The following NPSR1 variants were observed in gnomAD, a reference collection of about 807,000 sequenced individuals.
NPSR1 encodes neuropeptide S receptor 1.
In NPSR1, 48 loss-of-function variants were observed where a neutral mutation model predicts 46.9. The ratio of observed to expected loss-of-function variants is 1.02; its 90% CI spans 0.81 to 1.30. NPSR1 has a LOEUF of 1.30. Ranked by LOEUF, NPSR1 falls within the 50% of genes most tolerant of loss-of-function variation. The pLI is 0.00. For missense variants in NPSR1, 450 were observed against 449.5 expected, an observed-to-expected ratio of 1.00 and a Z score of -0.01; for synonymous variants, 176 against 168.1, an observed-to-expected ratio of 1.05 and a Z score of -0.36.
intron 2 of NPSR1, among the ~76,000 whole-genome samples, chr7:34,686,997 T>C (rs1019100482): frequency 2.6e-5 from 4 of 151,122 alleles, no homozygotes; most frequent in African/African-American, 7.3e-5. Context: ...GTCTCAGTTT[T>C]ACCTTGCTTC....
chr7:34,783,085 AAAAG>A (rs1318578301), intron 3 of NPSR1, among the ~76,000 whole-genome samples: 1 of 152,178 alleles, frequency 6.6e-6, no homozygotes, highest in Non-Finnish European at 1.5e-5. Flanking sequence ...CAACTAAAGA[AAAAG>A]AAAGAAAAAA....
At chr7:34,865,200 A>G (rs1562778337) in intron 8 of NPSR1, among the ~76,000 whole-genome samples, 1 of 151,822 alleles carries the variant, frequency 6.6e-6, no homozygotes, top group Non-Finnish European at 1.5e-5. Flanking sequence ...CGGTGATATA[A>G]GTGAGAAACA....
intron 3 of NPSR1, among the ~76,000 whole-genome samples, chr7:34,802,246 T>C (rs1219853501): frequency 2.7e-5 from 4 of 150,044 alleles, no homozygotes. Flanking sequence ...AAAAAAGAGC[T>C]CACATCGCGA....
Position 34,684,620 on chromosome 7 carries a change from T to A in NPSR1, c.216T>A (p.Phe72Leu). The change falls in exon 2 of 9, where the codon TTT becomes TTA. Residue 72 changes from phenylalanine (F) to leucine (L), a missense_variant. Phe to Leu is a conservative substitution (Grantham distance 22). Transcript: ENST00000360581. ...FTIVGNSVVL[F>L]STWRRKKKSR... ...TTGTTGGAAACTCCGTTGTGCTTTT[T>A]TCCACATGGAGGAGAAAGAAGAAGT... The A allele has an allele frequency of 1.9e-6, 3 of 1,613,940 alleles. No homozygotes were observed. Among genetic ancestry groups the A allele is most frequent in the Non-Finnish European group, 2.5e-6 (3 of 1,179,882 alleles).
At position 34,817,387 on chromosome 7, in the gene NPSR1, T is replaced by C. The variant is rs947361059; in HGVS notation, c.478+5524T>C. On this transcript the variant is annotated intron_variant, in intron 4 of 8. Coordinates refer to ENST00000360581, the MANE Select transcript of NPSR1 (RefSeq NM_207172.2). Reference sequence around the variant, plus strand: ...ACCAGGAAGAAGTTGAATCTCTGAATAGACCATTAACAGGCTCCAAAATTG... The same window carrying C: ...ACCAGGAAGAAGTTGAATCTCTGAACAGACCATTAACAGGCTCCAAAATTG... Among the ~76,000 whole-genome samples the C allele has an allele frequency of 2.5e-3, 15 of 5,988 alleles. 1 individual carries two copies. The highest frequency in any genetic ancestry group is 7.9e-3 in the African/African-American group (10 of 1,270). 3.9% of individuals were successfully genotyped at this position (5,988 alleles called of 152,430 possible). A position where few individuals can be genotyped will look rare whatever the true frequency, so the allele number is the denominator to read the frequency against.
In NPSR1 at chr7:34,665,067, G is replaced by A. The variant is rs73103353; in HGVS notation, c.147+6508G>A. On this transcript the variant is annotated intron_variant, in intron 1 of 8. Coordinates refer to ENST00000360581, the MANE Select transcript of NPSR1 (RefSeq NM_207172.2). ...TTGAGCAGATATGAAACTAAAGTCT[G>A]AGGGAAGTTAAAGGTGTAAACTTCC... Among the ~76,000 whole-genome samples, 603 of 152,272 alleles carry A rather than the reference G, an allele frequency of 4.0e-3. 4 individuals carry two copies. Among genetic ancestry groups the A allele is most frequent in the Middle Eastern group, 6.8e-3 (2 of 294 alleles).
chr7:34,785,665 A>G (rs1175130690), intron 3 of NPSR1, among the ~76,000 whole-genome samples: 3 of 152,126 alleles, frequency 2.0e-5, no homozygotes, highest in Non-Finnish European at 4.4e-5. Flanking sequence ...AGACAAAACT[A>G]TTAAAAATAA....
chr7:34,855,032 G>A (rs187261202), intron 8 of NPSR1, among the ~76,000 whole-genome samples: 74 of 152,068 alleles, frequency 4.9e-4, no homozygotes, highest in Non-Finnish European at 8.4e-4. Flanking sequence ...ATACACTTCC[G>A]AACAACTTAT....
At position 34,858,986 on chromosome 7, in the gene NPSR1, A is replaced by G. The variant is rs13310759; in HGVS notation, c.1025+10323A>G. Among the ~76,000 whole-genome samples, 57 of 151,750 alleles carry G rather than the reference A, an allele frequency of 3.8e-4. 1 individual carries two copies. Among genetic ancestry groups the G allele is most frequent in the African/African-American group, 1.1e-3 (44 of 41,064 alleles). The stretch of plus-strand genomic sequence containing the variant: ...GGAGAGGGAGGAGATGTACAGAGAG[A>G]GGCTGGCAGAGTCTCTTTTTTGCTC... On this transcript the variant is annotated intron_variant, in intron 8 of 8. Coordinates refer to the NPSR1 transcript ENST00000359791.
At chr7:34,806,038 G>A (rs1008905014) in intron 3 of NPSR1, among the ~76,000 whole-genome samples, 4 of 152,012 alleles carry the variant, frequency 2.6e-5, no homozygotes, top group African/African-American at 9.7e-5. Flanking sequence ...ACCAATGGCT[G>A]ATGAGGATGA....
At chr7:34,866,879 G>A (rs1477304623) in intron 8 of NPSR1, among the ~76,000 whole-genome samples, 1 of 151,658 alleles carries the variant, frequency 6.6e-6, no homozygotes, top group Non-Finnish European at 1.5e-5. Context: ...TAGACCACAT[G>A]GGAGGTCTTC....
At chr7:34,737,741 T>G (rs1784746711) in intron 2 of NPSR1, among the ~76,000 whole-genome samples, 1 of 152,220 alleles carries the variant, frequency 6.6e-6, no homozygotes, top group South Asian at 2.1e-4. Context: ...TATTTCTGAC[T>G]TTATTAATAT....
At chr7:34,769,482 G>A (rs1786579421) in intron 2 of NPSR1, among the ~76,000 whole-genome samples, 1 of 152,180 alleles carries the variant, frequency 6.6e-6, no homozygotes, top group Non-Finnish European at 1.5e-5. Context: ...AGACCCAGAA[G>A]TCTGGATTCT....
At chr7:34,699,920 C>T (rs1793733290) in intron 2 of NPSR1, among the ~76,000 whole-genome samples, 1 of 152,142 alleles carries the variant, frequency 6.6e-6, no homozygotes, top group African/African-American at 2.4e-5. Context: ...CTAAGAAGTT[C>T]AGGCTTTGCT....
chr7:34,766,169 A>C (rs1440993208), intron 2 of NPSR1, among the ~76,000 whole-genome samples: 1 of 152,244 alleles, frequency 6.6e-6, no homozygotes, highest in African/African-American at 2.4e-5. Flanking sequence ...ATCTAGTAGA[A>C]CAACTAAAAG....
intron 1 of NPSR1, among the ~76,000 whole-genome samples, chr7:34,676,542 G>A (rs139197667): frequency 3.4e-4 from 52 of 152,058 alleles, no homozygotes; most frequent in African/African-American, 1.2e-3. Context: ...GTGGGGAGGG[G>A]GACATGCACG....
intron 4 of NPSR1, among the ~76,000 whole-genome samples, chr7:34,821,943 T>C (rs1789577540): frequency 6.6e-6 from 1 of 152,070 alleles, no homozygotes; most frequent in South Asian, 2.1e-4. Context: ...CGAAAGTCAC[T>C]GAAGAAATCT....
chr7:34,766,775 G>C (rs891656052), intron 2 of NPSR1, among the ~76,000 whole-genome samples: 10 of 151,940 alleles, frequency 6.6e-5, no homozygotes, highest in Non-Finnish European at 1.3e-4. Context: ...GGGTTTCACT[G>C]TGTTAGCCAG....
At chr7:34,815,648 G>A (rs1320382854) in intron 4 of NPSR1, among the ~76,000 whole-genome samples, 1 of 152,182 alleles carries the variant, frequency 6.6e-6, no homozygotes, top group Non-Finnish European at 1.5e-5. Context: ...AGGAAAAAAT[G>A]TTAACGGCAG....
Sources: allele counts gnomAD v4.1 joint callset (sites outside exome capture counted in the v4.1 genomes callset), GRCh38; gene constraint gnomAD v4.1.1; transcripts MANE v1.5; gene names NCBI Gene and HGNC (gene_info 2026-07-23, HGNC 2026-07-21).